GLIS3: variants seen among roughly 807,000 people sequenced by gnomAD.
GLIS3 encodes the protein GLIS family zinc finger 3, also known as zinc finger protein GLIS3.
A neutral mutation model predicts 78.6 loss-of-function variants in GLIS3; 53 were observed. That is an observed-to-expected ratio of 0.67 (90% CI 0.54 to 0.85). The LOEUF is 0.85. Among genes scored for constraint, GLIS3 ranks in the 40% least tolerant of loss-of-function variants. The pLI, the probability that GLIS3 is intolerant of heterozygous loss-of-function variation, is 0.00. For missense variants in GLIS3, 1,703 were observed against 1,231.1 expected (o/e 1.38, Z -5.74); for synonymous variants, 684 against 509.9 (o/e 1.34, Z -4.60).
At chr9:4,452,101 G>C in the GLIS3 span, among the ~76,000 whole-genome samples, 4 of 151,998 alleles carry the variant, frequency 2.6e-5, no homozygotes, top group Non-Finnish European at 5.9e-5. Context: ...ATGCAAATAA[G>C]GCCTTTGATA....
chr9:4,050,041 A>G lies in GLIS3; in HGVS notation c.1710+67727T>C, dbSNP rs111737953. On this transcript the variant is annotated intron_variant, in intron 4 of 10. Coordinates refer to ENST00000381971, the MANE Select transcript of GLIS3 (RefSeq NM_001042413.2). ...CAACCCATGTGGAAGACAGTGTGGC[A>G]ATTCCTCAGGGATCTAGAACTAGAA... Among the ~76,000 whole-genome samples, 81 of 152,202 alleles carry G rather than the reference A, an allele frequency of 5.3e-4. 1 individual carries two copies. The highest frequency in any genetic ancestry group is 6.8e-3 in the Middle Eastern group (2 of 294).
chr9:4,307,897 T>C (rs1292730792), intron 4 of GLIS3, among the ~76,000 whole-genome samples: 1 of 152,166 alleles, frequency 6.6e-6, no homozygotes. Context: ...TGTGTCAGAC[T>C]TCTATCCTAC....
chr9:4,397,208 G>A, the GLIS3 span, among the ~76,000 whole-genome samples: 6 of 141,754 alleles, frequency 4.2e-5, no homozygotes, highest in Admixed American at 2.8e-4. Flanking sequence ...TGTATTTTTA[G>A]TAGAGACGGG....
At chr9:4,065,308 A>G (rs1827001887) in intron 4 of GLIS3, among the ~76,000 whole-genome samples, 1 of 152,192 alleles carries the variant, frequency 6.6e-6, no homozygotes, top group African/African-American at 2.4e-5. Context: ...GAGAAACCGA[A>G]CAAAGGATGA....
intron 2 of GLIS3, among the ~76,000 whole-genome samples, chr9:4,169,320 T>G (rs992445462): frequency 6.6e-6 from 1 of 152,218 alleles, no homozygotes; most frequent in Non-Finnish European, 1.5e-5. Context: ...ACTAACCAGT[T>G]TGAACACCCT....
At chr9:4,346,372 T>G (rs567147197) in intron 2 of GLIS3, among the ~76,000 whole-genome samples, 1 of 139,626 alleles carries the variant, frequency 7.2e-6, no homozygotes, top group Admixed American at 7.6e-5. Context: ...AGCGATGACT[T>G]TGGTGTTCTA....
the GLIS3 span, among the ~76,000 whole-genome samples, chr9:4,419,076 A>T: frequency 1.3e-5 from 2 of 152,206 alleles, no homozygotes; most frequent in Non-Finnish European, 2.9e-5. Flanking sequence ...AAAATACACC[A>T]TTGCTGAGAG....
rs1357507715 is a variant in GLIS3 at position 4,214,110 on chromosome 9, G to A, written c.388+71928C>T. The stretch of plus-strand genomic sequence containing the variant: ...GCCACAGCCTCTGCTGCCCAGCATA[G>A]GCTGCATTCTAACACATATCAAACA... On this transcript the variant is annotated intron_variant, in intron 2 of 10. Coordinates refer to ENST00000381971, the MANE Select transcript of GLIS3 (RefSeq NM_001042413.2). 2.6e-5 allele frequency among the ~76,000 whole-genome samples: 4 copies of A among 152,140 alleles called. No homozygotes were observed. In the East Asian group the frequency reaches 7.7e-4, roughly 29 times the overall value.
intron 6 of GLIS3, among the ~76,000 whole-genome samples, chr9:3,916,933 G>C (rs1346321043): frequency 1.3e-5 from 2 of 152,160 alleles, no homozygotes; most frequent in Non-Finnish European, 2.9e-5. Context: ...AGACAGCACA[G>C]GGAGTCTAAA....
chr9:3,879,527 G>A lies in GLIS3; in HGVS notation c.2197C>T (p.Pro733Ser), dbSNP rs201000164. The A allele has an allele frequency of 1.2e-6, 2 of 1,614,152 alleles. No individual in the cohort carries two copies. Among genetic ancestry groups the A allele is most frequent in the East Asian group, 4.5e-5 (2 of 44,882 alleles). The change falls in exon 8 of 11, where the codon CCT (proline) becomes TCT (serine). Residue 733 changes from proline to serine, a missense_variant. Physicochemically the swap from Pro to Ser is moderately conservative, Grantham distance 74. Coordinates refer to ENST00000381971, the MANE Select transcript of GLIS3 (RefSeq NM_001042413.2). Reference sequence around the variant, plus strand: ...TGTCCTGGAGAAGGGTGACTGACAGGATGTGGGGGTGGTACGGCCCCAGCA... The same window carrying A: ...TGTCCTGGAGAAGGGTGACTGACAGAATGTGGGGGTGGTACGGCCCCAGCA... ...TAAGAVPPPH[P>S]VSHPSPGHNV...
At chr9:3,897,920 T>C (rs747339149) in intron 7 of GLIS3, among the ~76,000 whole-genome samples, 20 of 152,160 alleles carry the variant, frequency 1.3e-4, no homozygotes, top group Non-Finnish European at 2.6e-4. Context: ...AAAATTCTCA[T>C]TGTCTGGAAT....
intron 4 of GLIS3, among the ~76,000 whole-genome samples, chr9:4,095,795 G>A (rs1388662024): frequency 6.6e-6 from 1 of 152,176 alleles, no homozygotes; most frequent in Admixed American, 6.5e-5. Context: ...GTCTGCCATT[G>A]TAGTTCTCCA....
the GLIS3 span, among the ~76,000 whole-genome samples, chr9:4,390,232 C>T: frequency 1.3e-5 from 2 of 152,272 alleles, no homozygotes; most frequent in African/African-American, 2.4e-5. Flanking sequence ...TATGCAATCA[C>T]TTCTATGTAT....
the GLIS3 span, among the ~76,000 whole-genome samples, chr9:4,431,141 C>T: frequency 1.3e-5 from 2 of 152,220 alleles, no homozygotes; most frequent in Admixed American, 6.5e-5. Flanking sequence ...CCACACCCTT[C>T]ATGAAAGTTA....
At chr9:3,866,694 G>C (rs761324261) in intron 8 of GLIS3, among the ~76,000 whole-genome samples, 2 of 152,156 alleles carry the variant, frequency 1.3e-5, no homozygotes, top group African/African-American at 2.4e-5. Flanking sequence ...TTAAACAAGG[G>C]AATTGACGAT....
intron 2 of GLIS3, among the ~76,000 whole-genome samples, chr9:4,319,649 C>A (rs1414183612): frequency 6.6e-6 from 1 of 152,014 alleles, no homozygotes; most frequent in African/African-American, 2.4e-5. Flanking sequence ...CCTGCCTCAC[C>A]CTCCCAGGTA....
chr9:4,086,757 TTTCAGCA>T (rs2130729099), intron 4 of GLIS3, among the ~76,000 whole-genome samples: 1 of 152,346 alleles, frequency 6.6e-6, no homozygotes, highest in East Asian at 1.9e-4. Flanking sequence ...CAGGAGGGAC[TTTCAGCA>T]TCATGAACAA....
At chr9:4,469,152 T>C in the GLIS3 span, among the ~76,000 whole-genome samples, 1 of 152,160 alleles carries the variant, frequency 6.6e-6, no homozygotes, top group Non-Finnish European at 1.5e-5. Flanking sequence ...CTTAGAGACC[T>C]AGAAAGAGAC....
intron 6 of GLIS3, among the ~76,000 whole-genome samples, chr9:3,901,852 C>T (rs1268297535): frequency 2.6e-5 from 4 of 152,168 alleles, no homozygotes; most frequent in Non-Finnish European, 5.9e-5. Flanking sequence ...TAACCTAATA[C>T]ATGCCGTGTA....
Sources: gnomAD v4.1 joint callset for allele counts (sites outside exome capture counted in the v4.1 genomes callset) on GRCh38, gnomAD v4.1.1 for gene constraint, MANE v1.5 for transcripts, NCBI Gene and HGNC (gene_info 2026-07-23, HGNC 2026-07-21) for gene names.